Variants in LRFN5 observed in about 807,000 individuals in gnomAD.
LRFN5 encodes leucine-rich repeat and fibronectin type-III domain-containing protein 5.
LRFN5 carries 24 observed loss-of-function variants against 45.6 expected under a neutral mutation model. The ratio of observed to expected loss-of-function variants is 0.53; its 90% CI spans 0.38 to 0.74. The LOEUF is 0.74. Ranked by LOEUF, LRFN5 falls within the 30% of genes least tolerant of loss-of-function variation. The probability of loss-of-function intolerance (pLI) is 0.00; values close to 1 mark genes in which losing one functional copy is unlikely to be tolerated. For missense variants in LRFN5, 776 were observed against 861.5 expected (o/e 0.90, Z 1.24); for synonymous variants, 340 against 313.8 (o/e 1.08, Z -0.88).
chr14:41,651,610 G>T (rs1027460004), intron 1 of LRFN5, among the ~76,000 whole-genome samples: 2 of 152,052 alleles, frequency 1.3e-5, no homozygotes, highest in African/African-American at 4.8e-5. Context: ...CCTTTAGAAA[G>T]AATTAAAAAT....
chr14:41,801,189 A>G (rs1413898207), intron 2 of LRFN5, among the ~76,000 whole-genome samples: 1 of 152,084 alleles, frequency 6.6e-6, no homozygotes, highest in Non-Finnish European at 1.5e-5. Flanking sequence ...AATGATGTGT[A>G]AATATACACA....
chr14:41,846,962 A>G (rs1448665049), intron 2 of LRFN5, among the ~76,000 whole-genome samples: 26 of 152,202 alleles, frequency 1.7e-4, no homozygotes, highest in Non-Finnish European at 2.4e-4. Context: ...CTTTACTTCC[A>G]TCTTCAAGCT....
At chr14:41,718,630 C>G (rs1315562873) in intron 1 of LRFN5, among the ~76,000 whole-genome samples, 1 of 152,190 alleles carries the variant, frequency 6.6e-6, no homozygotes, top group African/African-American at 2.4e-5. Context: ...ATGAGGTAGA[C>G]AGCATAGTCA....
chr14:41,849,543 C>T (rs1213337861), intron 2 of LRFN5, among the ~76,000 whole-genome samples: 1 of 151,910 alleles, frequency 6.6e-6, no homozygotes, highest in African/African-American at 2.4e-5. Flanking sequence ...TCACCTGCTT[C>T]TTCACACCTC....
intron 2 of LRFN5, among the ~76,000 whole-genome samples, chr14:41,834,280 A>G (rs1888586028): frequency 6.6e-6 from 1 of 152,178 alleles, no homozygotes; most frequent in African/African-American, 2.4e-5. Flanking sequence ...GTGTTCTGTT[A>G]TCTTCTAAGT....
intron 2 of LRFN5, among the ~76,000 whole-genome samples, chr14:41,867,936 T>C (rs893422929): frequency 3.3e-5 from 5 of 152,098 alleles, no homozygotes; most frequent in Admixed American, 2.0e-4. Context: ...GGAAATCAGA[T>C]AGAAAGTGTA....
chr14:41,744,918 G>A (rs1884860376), intron 1 of LRFN5, among the ~76,000 whole-genome samples: 1 of 151,674 alleles, frequency 6.6e-6, no homozygotes, highest in Non-Finnish European at 1.5e-5. Context: ...GAATTGAAGG[G>A]GAAAATATCT....
At chr14:41,752,867 T>A (rs2138847513) in intron 1 of LRFN5, among the ~76,000 whole-genome samples, 1 of 152,312 alleles carries the variant, frequency 6.6e-6, no homozygotes, top group East Asian at 1.9e-4. Context: ...TGGTAATGCC[T>A]AGGTTTTCTT....
chr14:41,650,068 AG>A (rs1425252067), intron 1 of LRFN5, among the ~76,000 whole-genome samples: 2 of 152,156 alleles, frequency 1.3e-5, no homozygotes, highest in Non-Finnish European at 2.9e-5. Context: ...TAAAAACCAA[AG>A]TCAATAAACA....
chr14:41,845,756 TAA>T (rs984966662), intron 2 of LRFN5, among the ~76,000 whole-genome samples: 6 of 152,274 alleles, frequency 3.9e-5, no homozygotes, highest in African/African-American at 1.4e-4. Flanking sequence ...TACCCAACAA[TAA>T]GAGTATTAAA....
chr14:41,638,476 A>G, intron 1 of LRFN5, among the ~76,000 whole-genome samples: 1 of 152,162 alleles, frequency 6.6e-6, no homozygotes. Flanking sequence ...TGATGAAAGC[A>G]ATTTAGTGAA....
intron 1 of LRFN5, among the ~76,000 whole-genome samples, chr14:41,632,759 G>A (rs1339464004): frequency 1.3e-5 from 2 of 152,032 alleles, no homozygotes; most frequent in Non-Finnish European, 2.9e-5. Context: ...AAATACACTA[G>A]AATTTTACTA....
chr14:41,633,547 C>G lies in LRFN5; in HGVS notation c.-197+24985C>G, dbSNP rs984912750. Among the ~76,000 whole-genome samples, 54 of 152,128 alleles carry G rather than the reference C, an allele frequency of 3.5e-4. 2 individuals carry two copies. Among genetic ancestry groups the G allele is most frequent in the Non-Finnish European group, 5.9e-5 (4 of 67,992 alleles). ...AGTGTTTAGTGAAACAATCTGCTAA[C>G]ATCAGTTGCAAACAGACTTGATGTC... On this transcript the variant is annotated intron_variant, in intron 1 of 5. Coordinates refer to ENST00000298119, the MANE Select transcript of LRFN5 (RefSeq NM_152447.5).
In LRFN5 at chr14:41,887,961, A is replaced by G. The variant is rs898392804; in HGVS notation, c.1336A>G (p.Met446Val). The change falls in exon 3 of 6, where the codon ATG (methionine) becomes GTG (valine). Residue 446 changes from methionine to valine, a missense_variant. Around this residue, in one of 2 missense-constraint regions of LRFN5, gnomAD observed 465 missense variants for 456.4 expected, o/e 1.02. Coordinates refer to ENST00000298119, the MANE Select transcript of LRFN5 (RefSeq NM_152447.5). The surrounding 1 kb of genome is among the most constrained non-coding windows in gnomAD (Gnocchi z 4.8). ...TCAAAGAAATATCCCTGGAATACGT[A>G]TGTTTCAAATCCAGTACAATGGTAC... ...NFQRNIPGIR[M>V]FQIQYNGTYD... is the part of the protein sequence containing the mutation. 2.2e-5 allele frequency: 35 copies of G among 1,613,372 alleles called. 1 individual carries two copies. The highest frequency in any genetic ancestry group is 5.5e-5 in the South Asian group (5 of 90,954).
At chr14:41,636,767 C>T (rs1336013931) in intron 1 of LRFN5, among the ~76,000 whole-genome samples, 1 of 152,058 alleles carries the variant, frequency 6.6e-6, no homozygotes, top group Non-Finnish European at 1.5e-5. Context: ...TTATTACTTA[C>T]AGATAAGCAG....
At chr14:41,788,074 A>G (rs1482926716) in intron 2 of LRFN5, among the ~76,000 whole-genome samples, 1 of 152,092 alleles carries the variant, frequency 6.6e-6, no homozygotes, top group Non-Finnish European at 1.5e-5. Flanking sequence ...TGGCTCCCTG[A>G]TCTTGGATTT....
intron 1 of LRFN5, among the ~76,000 whole-genome samples, chr14:41,683,792 TGAA>T (rs1882005424): frequency 6.6e-6 from 1 of 152,028 alleles, no homozygotes; most frequent in South Asian, 2.1e-4. Context: ...TTAATGAAAC[TGAA>T]GAAGATATAC....
chr14:41,683,821 T>C (rs1404436801), intron 1 of LRFN5, among the ~76,000 whole-genome samples: 1 of 152,154 alleles, frequency 6.6e-6, no homozygotes, highest in Non-Finnish European at 1.5e-5. Context: ...TAGAGAGATA[T>C]TCTCTGCTCA....
intron 2 of LRFN5, among the ~76,000 whole-genome samples, chr14:41,872,375 T>C (rs925905670): frequency 2.0e-5 from 3 of 152,244 alleles, no homozygotes; most frequent in Non-Finnish European, 2.9e-5. Context: ...CTATGTTTTT[T>C]TCTAATCATT....
Sources: allele counts gnomAD v4.1 joint callset (sites outside exome capture counted in the v4.1 genomes callset), GRCh38; gene constraint gnomAD v4.1.1; regional missense constraint gnomAD v4.1.1; non-coding constraint Gnocchi (gnomAD v3.1); transcripts MANE v1.5; gene names NCBI Gene and HGNC (gene_info 2026-07-23, HGNC 2026-07-21).